Variants in RPS6KA2 observed in about 807,000 individuals in gnomAD.
RPS6KA2 encodes the protein ribosomal protein S6 kinase alpha-2.
Under a neutral mutation model 91.8 loss-of-function variants are expected in RPS6KA2, and 42 were observed. The ratio of observed to expected loss-of-function variants is 0.46; its 90% confidence interval spans 0.36 to 0.59. The LOEUF is 0.59. Among genes scored for constraint, RPS6KA2 ranks in the 20% least tolerant of loss-of-function variants. The pLI is 0.00. For missense variants in RPS6KA2, 798 were observed against 978.5 expected, an observed-to-expected ratio of 0.82 and a Z score of 2.46; for synonymous variants, 414 against 393.6, an observed-to-expected ratio of 1.05 and a Z score of -0.61.
intron 16 of RPS6KA2, among the ~76,000 whole-genome samples, chr6:166,429,850 C>T (rs1779060651): frequency 6.6e-6 from 1 of 152,142 alleles, no homozygotes; most frequent in African/African-American, 2.4e-5. Context: ...GTGAGATGCA[C>T]ATGTTAATAA....
At chr6:166,499,639 C>T (rs951459328) in intron 7 of RPS6KA2, among the ~76,000 whole-genome samples, 16 of 152,220 alleles carry the variant, frequency 1.1e-4, no homozygotes, top group African/African-American at 3.1e-4. Context: ...GCTTTTTCTC[C>T]TCCTTCTCCT....
At chr6:166,722,483 C>T (rs9457197) in intron 2 of RPS6KA2, among the ~76,000 whole-genome samples, 9,769 of 152,258 alleles carry the variant, frequency 0.064, 988 homozygotes, top group African/African-American at 0.22. Flanking sequence ...CTAAAATCAC[C>T]GTGGCCCACG....
At chr6:166,710,833 A>T (rs1789825315) in intron 2 of RPS6KA2, among the ~76,000 whole-genome samples, 1 of 152,168 alleles carries the variant, frequency 6.6e-6, no homozygotes, top group South Asian at 2.1e-4. Context: ...CTAGACCTGA[A>T]GCCAAATAAA....
At chr6:166,450,008 T>G (rs75162680) in intron 13 of RPS6KA2, among the ~76,000 whole-genome samples, 26 of 72,444 alleles carry the variant, frequency 3.6e-4, no homozygotes, top group Admixed American at 8.0e-4. Flanking sequence ...CCACCATGGA[T>G]GTCACCTAAG....
chr6:166,656,632 G>A (rs1788010087), intron 2 of RPS6KA2, among the ~76,000 whole-genome samples: 2 of 152,238 alleles, frequency 1.3e-5, no homozygotes, highest in African/African-American at 4.8e-5. Context: ...ACCATATGAA[G>A]CAGCCCCGAT....
intron 3 of RPS6KA2, among the ~76,000 whole-genome samples, chr6:166,522,600 C>T (rs879565053): frequency 3.3e-5 from 5 of 152,228 alleles, no homozygotes; most frequent in Non-Finnish European, 5.9e-5. Context: ...TCGGTCTCCC[C>T]CACTGCGCGG....
intron 2 of RPS6KA2, among the ~76,000 whole-genome samples, chr6:166,836,773 C>T (rs1346833471): frequency 1.3e-5 from 2 of 152,148 alleles, no homozygotes; most frequent in Non-Finnish European, 2.9e-5. Flanking sequence ...TATGTGTCTT[C>T]GAATTGTTAA....
At chr6:166,748,492 C>T (rs569877936) in intron 2 of RPS6KA2, among the ~76,000 whole-genome samples, 42 of 152,140 alleles carry the variant, frequency 2.8e-4, no homozygotes, top group Admixed American at 2.4e-3. Flanking sequence ...GGATGCTGGG[C>T]AGAGGGGGCA....
intron 2 of RPS6KA2, among the ~76,000 whole-genome samples, chr6:166,696,784 C>T (rs1345816111): frequency 1.3e-5 from 2 of 152,206 alleles, no homozygotes; most frequent in Non-Finnish European, 2.9e-5. Flanking sequence ...GTGAGAGGGA[C>T]CCCTTCCCGC....
intron 9 of RPS6KA2, among the ~76,000 whole-genome samples, chr6:166,489,867 T>C (rs1011891327): frequency 2.0e-5 from 3 of 152,012 alleles, no homozygotes; most frequent in African/African-American, 7.3e-5. Context: ...TATGTGTCCA[T>C]TTGCAAGCAG....
At position 166,830,407 on chromosome 6, in the gene RPS6KA2, C is replaced by T. The variant is rs150001926; in HGVS notation, c.123+27793G>A. Among the ~76,000 whole-genome samples the T allele has an allele frequency of 6.1e-4, 93 of 152,138 alleles. 1 individual carries two copies. In the East Asian group the frequency reaches 0.015, roughly 25 times the overall value. ...TAACAGGCAGAGAGTTTCAGTGTTG[C>T]AAAATGAGAAGTATTCTGGAGGTGG... On this transcript the variant is annotated intron_variant, in intron 2 of 21. Transcript: ENST00000503859.
In RPS6KA2 at chr6:166,639,027, A is replaced by G. The variant is rs1227220792; in HGVS notation, c.124-100243T>C. Reference sequence around the variant, plus strand: ...CCCTGTTCTCACCAGGTCGTCACCTATGCAAACAGCAATTTCATGCAGTTA... The same window carrying G: ...CCCTGTTCTCACCAGGTCGTCACCTGTGCAAACAGCAATTTCATGCAGTTA... On this transcript the variant is annotated intron_variant, in intron 2 of 21. Transcript: ENST00000503859. The surrounding 1 kb of genome is among the most constrained non-coding windows in gnomAD (Gnocchi z 4.2). 6.6e-6 allele frequency among the ~76,000 whole-genome samples: 1 copy of G among 152,246 alleles called. No individual in the cohort carries two copies. The highest frequency in any genetic ancestry group is 6.5e-5 in the Admixed American group (1 of 15,284).
At chr6:166,452,039 T>C (rs980047106) in intron 12 of RPS6KA2, among the ~76,000 whole-genome samples, 1 of 152,196 alleles carries the variant, frequency 6.6e-6, no homozygotes, top group Admixed American at 6.5e-5. Flanking sequence ...ATAGCTACCA[T>C]AGGCATGAAA....
intron 1 of RPS6KA2, among the ~76,000 whole-genome samples, chr6:166,562,764 C>T (rs1365528264): frequency 6.6e-6 from 1 of 152,214 alleles, no homozygotes; most frequent in Non-Finnish European, 1.5e-5. Flanking sequence ...CCAGGTGGGA[C>T]ACACCAAGTT....
chr6:166,412,800 G>T lies in RPS6KA2; in HGVS notation c.2164C>A (p.Arg722Ser), dbSNP rs768306540. Residue 722 changes from arginine to serine, a missense_variant, in exon 21 of 21, where the codon CGC becomes AGC. Physicochemically the swap from Arg to Ser is moderately radical, Grantham distance 110. Transcript: ENST00000265678. This position sits in a 1 kb window ranked among gnomAD's most constrained non-coding sequence, Gnocchi z 4.3. ...EPVLSSNLAQRRGMKRLTSTR... is the reference protein window; with the variant it reads ...EPVLSSNLAQSRGMKRLTSTR... ...GACGTGAGTCTCTTCATGCCTCTGC[G>T]CTGAGCCAGGTTGGATGACAGCACG... 6.3e-7 allele frequency: 1 copy of T among 1,594,694 alleles called. No individual in the cohort carries two copies. Among genetic ancestry groups the T allele is most frequent in the South Asian group, 1.1e-5 (1 of 87,386 alleles).
chr6:166,735,050 CA>C (rs1385648510), intron 2 of RPS6KA2, among the ~76,000 whole-genome samples: 2 of 152,156 alleles, frequency 1.3e-5, no homozygotes, highest in East Asian at 3.8e-4. Flanking sequence ...ATATCATTCA[CA>C]AAAAGACCAT....
chr6:166,694,934 C>T (rs1479378631), intron 2 of RPS6KA2, among the ~76,000 whole-genome samples: 2 of 152,200 alleles, frequency 1.3e-5, no homozygotes, highest in African/African-American at 4.8e-5. Flanking sequence ...TATTTGCTTA[C>T]ATAAGTCTGC....
intron 2 of RPS6KA2, among the ~76,000 whole-genome samples, chr6:166,840,823 T>C (rs958653450): frequency 6.6e-6 from 1 of 151,502 alleles, no homozygotes; most frequent in Non-Finnish European, 1.5e-5. Flanking sequence ...ATTAGCCAGG[T>C]GTGGTGGTGC....
intron 2 of RPS6KA2, among the ~76,000 whole-genome samples, chr6:166,824,291 C>A (rs919438891): frequency 1.3e-5 from 2 of 152,158 alleles, no homozygotes; most frequent in Non-Finnish European, 2.9e-5. Context: ...TATGGACCAA[C>A]CAGTACTGGA....
Sources: gnomAD v4.1 joint callset for allele counts (sites outside exome capture counted in the v4.1 genomes callset) on GRCh38, gnomAD v4.1.1 for gene constraint, Gnocchi (gnomAD v3.1) non-coding constraint, MANE v1.5 for transcripts, NCBI Gene and HGNC (gene_info 2026-07-23, HGNC 2026-07-21) for gene names.